The following FASTKD1 variants were observed in gnomAD, a reference collection of about 807,000 sequenced individuals.
The protein encoded by FASTKD1 is FAST kinase domain-containing protein 1, mitochondrial.
Under a neutral mutation model 90.9 loss-of-function variants are expected in FASTKD1, and 94 were observed. That is an observed-to-expected ratio of 1.03 (90% CI 0.88 to 1.23). The LOEUF (loss-of-function observed/expected upper bound fraction) is 1.23. FASTKD1 is among the 50% of genes most tolerant of loss of function. FASTKD1 has a pLI of 0.00. For synonymous variants in FASTKD1, 319 were observed against 345.8 expected, an observed-to-expected ratio of 0.92 and a Z score of 0.86; for missense variants, 945 against 993.5, an observed-to-expected ratio of 0.95 and a Z score of 0.66.
Position 169,538,017 on chromosome 2 carries a change from A to G in FASTKD1, c.2070T>C (p.Asn690=). 6.3e-7 allele frequency: 1 copy of G among 1,595,940 alleles called. No homozygotes were observed. The highest frequency in any genetic ancestry group is 1.1e-5 in the South Asian group (1 of 87,024). ...WFHDRFCQQY[N]KGIGGMDGTQ... ...TGACTAAAAGAAAACTCAAACCTTT[A>G]TTATATTGTTGACAGAAGCGGTCAT... Residue 690 remains asparagine, a synonymous_variant, in exon 11 of 15, where the codon AAT becomes AAC. Coordinates refer to ENST00000453153, the MANE Select transcript of FASTKD1 (RefSeq NM_024622.6).
In FASTKD1 at chr2:169,572,046, C is replaced by T. The variant is rs1684260284; in HGVS notation, c.-17G>A. The T allele has an allele frequency of 6.5e-7, 1 of 1,548,446 alleles. No homozygotes were observed. The highest frequency in any genetic ancestry group is 1.4e-5 in the African/African-American group (1 of 72,288). Reference sequence around the variant, plus strand: ...TTTTTTCATTTATATCACAAGTTTTCTTAGGTAAACAAAACCATCTGCAAC... The same window carrying T: ...TTTTTTCATTTATATCACAAGTTTTTTTAGGTAAACAAAACCATCTGCAAC... On this transcript the variant is annotated 5_prime_UTR_variant, in exon 2 of 15. Coordinates refer to ENST00000453153, the MANE Select transcript of FASTKD1 (RefSeq NM_024622.6).
intron 7 of FASTKD1, among the ~76,000 whole-genome samples, chr2:169,547,884 CAAAAAAAAAAAAAAAAAAA>C (rs1158292826): frequency 5.6e-4 from 12 of 21,348 alleles, no homozygotes; most frequent in Admixed American, 2.0e-3. Context: ...GACTCCATCT[CAAAAAAAAAAAAAAAAAAA>C]AAAAAAAAAA....
Position 169,529,834 on chromosome 2 carries a change from T to G in FASTKD1, c.2535A>C (p.Ser845=). ...TCATTTTAAATAAAAACTACAAACA[T>G]GACTTGACTTCTCCAAATATACATT... ...LRECIFGEVK[S]CL Residue 845 remains serine (S), a synonymous_variant, in exon 15 of 15, where the codon TCA becomes TCC. Coordinates refer to ENST00000453153, the MANE Select transcript of FASTKD1 (RefSeq NM_024622.6). The G allele has an allele frequency of 1.2e-6, 2 of 1,608,180 alleles. No individual in the cohort carries two copies. The highest frequency in any genetic ancestry group is 2.2e-5 in the South Asian group (2 of 90,554).
At position 169,557,176 on chromosome 2, in the gene FASTKD1, A is replaced by C. The variant is rs1466878677; in HGVS notation, c.1082+11T>G. On this transcript the variant is annotated intron_variant, in intron 6 of 14. Transcript: ENST00000453153. ...CAACAAACTTAACGTCGTAAATTTC[A>C]GAAAAGATACCTTTTAATCAGACAT... The C allele has an allele frequency of 2.1e-5, 33 of 1,544,548 alleles. No homozygotes were observed. Among genetic ancestry groups the C allele is most frequent in the Non-Finnish European group, 2.5e-5 (28 of 1,118,178 alleles).
intron 13 of FASTKD1, 138 bp downstream of exon 13, chr2:169,531,214 G>T: frequency 1.1e-6 from 1 of 931,186 alleles, no homozygotes; most frequent in Non-Finnish European, 1.8e-6. Context: ...GAGAGGAAAA[G>T]CAAAGTTACA....
rs186736693 is a variant in FASTKD1 at position 169,532,659 on chromosome 2, G to A, written c.2189-1169C>T. On this transcript the variant is annotated intron_variant, in intron 12 of 14. Coordinates refer to ENST00000453153, the MANE Select transcript of FASTKD1 (RefSeq NM_024622.6). ...CACAGGGCTGCAATTAGAAAAGTTCGAAATGTGGAAAAAAAAAACTTATTC... is the reference window on the plus strand; with the variant it reads ...CACAGGGCTGCAATTAGAAAAGTTCAAAATGTGGAAAAAAAAAACTTATTC... Among the ~76,000 whole-genome samples, 115 of 151,074 alleles carry A rather than the reference G, an allele frequency of 7.6e-4. 1 individual carries two copies. Among genetic ancestry groups the A allele is most frequent in the African/African-American group, 2.5e-3 (104 of 40,966 alleles).
At chr2:169,557,091 A>T (rs2592824) in intron 6 of FASTKD1, 96 bp downstream of exon 6, 385,984 of 764,222 alleles carry the variant, frequency 0.51, 100,072 homozygotes, top group Admixed American at 0.59. Context: ...CTTCAAAACA[A>T]CTGGTAGATT....
intron 5 of FASTKD1, among the ~76,000 whole-genome samples, chr2:169,558,825 G>A (rs748890184): frequency 5.9e-5 from 9 of 151,978 alleles, no homozygotes; most frequent in Non-Finnish European, 1.2e-4. Flanking sequence ...CCGACTTCAA[G>A]TGATCTGCCA....
Position 169,560,403 on chromosome 2 carries a change from G to A in FASTKD1, c.955C>T (p.Pro319Ser). The change falls in exon 5 of 15, where the codon CCT (proline) becomes TCT (serine). Residue 319 changes from proline to serine, a missense_variant. Coordinates refer to ENST00000453153, the MANE Select transcript of FASTKD1 (RefSeq NM_024622.6). ...LFVALGPIAG[P>S]EEKKQLKSTM... ...TGAACTTACTGTTTCTTTTCTTCAG[G>A]TCCTGCAATGGGTCCCAATGCTACA... 4 of 1,540,928 alleles carry A rather than the reference G, an allele frequency of 2.6e-6. No individual in the cohort carries two copies. The highest frequency in any genetic ancestry group is 2.6e-6 in the Non-Finnish European group (3 of 1,152,736).
chr2:169,529,568 C>T lies in FASTKD1; in HGVS notation c.*257G>A, dbSNP rs915006789. ...TTCATATCATTCCTTACTTGAAAAG[C>T]CCCCAATGGCTTCTCATCTCGCTCA... On this transcript the variant is annotated 3_prime_UTR_variant, in exon 15 of 15. Transcript: ENST00000453153. Among the ~76,000 whole-genome samples, 2 of 152,136 alleles carry T rather than the reference C, an allele frequency of 1.3e-5. No homozygotes were observed. The highest frequency in any genetic ancestry group is 4.8e-5 in the African/African-American group (2 of 41,420).
At chr2:169,534,351 C>A (rs1684625246) in intron 12 of FASTKD1, among the ~76,000 whole-genome samples, 1 of 151,696 alleles carries the variant, frequency 6.6e-6, no homozygotes, top group African/African-American at 2.4e-5. Flanking sequence ...AAAGTACCAT[C>A]TTGGAAGCAG....
intron 5 of FASTKD1, among the ~76,000 whole-genome samples, chr2:169,557,555 ATATT>A (rs1261204461): frequency 1.3e-5 from 2 of 152,344 alleles, no homozygotes; most frequent in Non-Finnish European, 2.9e-5. Flanking sequence ...CAGGTAAAAG[ATATT>A]TTAAGATTTT....
At chr2:169,554,128 C>T (rs1685627123) in intron 7 of FASTKD1, among the ~76,000 whole-genome samples, 1 of 145,768 alleles carries the variant, frequency 6.9e-6, no homozygotes, top group African/African-American at 2.6e-5. Context: ...AAAAATTAGC[C>T]AAGTTTGGTA....
rs915354971 is a variant in FASTKD1 at position 169,573,746 on chromosome 2, T to C, written c.-220A>G. ...ATGAAAGCTCAGAAGTCAGGGTTAT[T>C]CCTGGTCCCAACACGGAACGAAACA... On this transcript the variant is annotated 5_prime_UTR_variant, in exon 1 of 15. Coordinates refer to ENST00000453153, the MANE Select transcript of FASTKD1 (RefSeq NM_024622.6). 5 of 152,226 alleles carry C rather than the reference T, an allele frequency of 3.3e-5. No homozygotes were observed. Among genetic ancestry groups the C allele is most frequent in the African/African-American group, 1.2e-4 (5 of 41,442 alleles). 9.4% of individuals were successfully genotyped at this position (152,226 alleles called of 1,614,324 possible). A position where few individuals can be genotyped will look rare whatever the true frequency, so the allele number is the denominator to read the frequency against.
chr2:169,563,312 A>T lies in FASTKD1; in HGVS notation c.485T>A (p.Leu162Gln), dbSNP rs1683796754. The T allele has an allele frequency of 6.2e-7, 1 of 1,610,168 alleles. No homozygotes were observed. The highest frequency in any genetic ancestry group is 8.5e-7 in the Non-Finnish European group (1 of 1,176,918). Reference protein sequence around the residue: ...IKLLSEFSSCLADQHLYFSPL... With the variant: ...IKLLSEFSSCQADQHLYFSPL... ...ACTAAAATACAAATGCTGATCTGCT[A>T]GGCAAGAGGAAAATTCTGAGAGCAG... Residue 162 changes from leucine to glutamine, a missense_variant, in exon 4 of 15, where the codon CTA (leucine) becomes CAA (glutamine). Coordinates refer to ENST00000453153, the MANE Select transcript of FASTKD1 (RefSeq NM_024622.6).
chr2:169,561,502 T>C (rs1296131517), intron 4 of FASTKD1, among the ~76,000 whole-genome samples: 1 of 151,834 alleles, frequency 6.6e-6, no homozygotes, highest in Non-Finnish European at 1.5e-5. Context: ...ACCACTGGTA[T>C]GAAAACCAGA....
chr2:169,549,413 T>A (rs1295343733), intron 7 of FASTKD1, among the ~76,000 whole-genome samples: 2 of 151,860 alleles, frequency 1.3e-5, no homozygotes, highest in Non-Finnish European at 2.9e-5. Flanking sequence ...CAAAAAAAAA[T>A]TAAAAATAAA....
At position 169,572,516 on chromosome 2, in the gene FASTKD1, C is replaced by T. The variant is rs192183272; in HGVS notation, c.-142-345G>A. Among the ~76,000 whole-genome samples, 26 of 151,236 alleles carry T rather than the reference C, an allele frequency of 1.7e-4. No homozygotes were observed. The East Asian group carries it at 5.0e-3, about 29-fold the overall frequency. On this transcript the variant is annotated intron_variant, in intron 1 of 14. Transcript: ENST00000453153. ...TTTCTAAAAAGTGTAGGCATTAATT[C>T]AGAGCCATATATATTTATACATACA...
intron 14 of FASTKD1, among the ~76,000 whole-genome samples, chr2:169,530,259 GA>G (rs1325387182): frequency 6.6e-6 from 1 of 152,062 alleles, no homozygotes; most frequent in Non-Finnish European, 1.5e-5. Context: ...GAAATCATAA[GA>G]TATGGATATT....
Sources: gnomAD v4.1 joint callset for allele counts (sites outside exome capture counted in the v4.1 genomes callset) on GRCh38, gnomAD v4.1.1 for gene constraint, MANE v1.5 for transcripts, NCBI Gene and HGNC (gene_info 2026-07-23, HGNC 2026-07-21) for gene names.